The following NBEA variants were observed in gnomAD, a reference collection of about 807,000 sequenced individuals.
The protein encoded by NBEA is lysosomal-trafficking regulator 2.
NBEA carries 44 observed loss-of-function variants against 343.4 expected under a neutral mutation model. The ratio of observed to expected loss-of-function variants is 0.13; its 90% CI spans 0.10 to 0.16. NBEA has a LOEUF of 0.16. Among genes scored for constraint, NBEA ranks in the 10% least tolerant of loss-of-function variants. The probability of loss-of-function intolerance (pLI) is 1.00; values close to 1 mark genes in which losing one functional copy is unlikely to be tolerated. For synonymous variants in NBEA, 1,175 were observed against 1,238.7 expected (o/e 0.95, Z 1.08); for missense variants, 2,555 against 3,631.3 (o/e 0.70, Z 7.62).
At chr13:35,465,146 T>C (rs918796238) in intron 40 of NBEA, among the ~76,000 whole-genome samples, 15 of 152,106 alleles carry the variant, frequency 9.9e-5, no homozygotes, top group Non-Finnish European at 1.9e-4. Flanking sequence ...TTTATATTTA[T>C]AAAGAAAAAT....
At chr13:35,495,294 C>G (rs1238040598) in intron 41 of NBEA, among the ~76,000 whole-genome samples, 1 of 151,738 alleles carries the variant, frequency 6.6e-6, no homozygotes, top group Non-Finnish European at 1.5e-5. Flanking sequence ...ACTTTGTAAT[C>G]AAAAAAGATT....
intron 38 of NBEA, among the ~76,000 whole-genome samples, chr13:35,420,152 G>C (rs1003385506): frequency 6.6e-6 from 1 of 151,904 alleles, no homozygotes; most frequent in East Asian, 1.9e-4. Flanking sequence ...AGAAATTTCA[G>C]TACTCTGTTG....
chr13:35,366,646 A>AT (rs2041134015), intron 38 of NBEA, among the ~76,000 whole-genome samples: 2 of 151,168 alleles, frequency 1.3e-5, no homozygotes. Flanking sequence ...TCAAACATAA[A>AT]TTTTTAACTA....
intron 44 of NBEA, among the ~76,000 whole-genome samples, chr13:35,559,595 T>C (rs2079754619): frequency 6.6e-6 from 1 of 152,162 alleles, no homozygotes; most frequent in Non-Finnish European, 1.5e-5. Context: ...AGTATTGTTA[T>C]TATGTCTTTC....
intron 13 of NBEA, among the ~76,000 whole-genome samples, 156 bp downstream of exon 13, chr13:35,111,134 A>T (rs1317293351): frequency 6.6e-6 from 1 of 152,196 alleles, no homozygotes; most frequent in Non-Finnish European, 1.5e-5. Context: ...GTGGTAAAGA[A>T]GTTTAGGGCT....
chr13:35,663,228 T>C (rs902591464), intron 55 of NBEA, among the ~76,000 whole-genome samples: 3 of 152,218 alleles, frequency 2.0e-5, no homozygotes, highest in African/African-American at 7.2e-5. Context: ...TGCCTAACTT[T>C]ATCTATCTAA....
intron 38 of NBEA, among the ~76,000 whole-genome samples, chr13:35,360,870 A>G (rs911768355): frequency 3.3e-5 from 5 of 151,970 alleles, no homozygotes; most frequent in African/African-American, 1.2e-4. Context: ...ATCACACAAA[A>G]CGTCTAAGTT....
In NBEA at chr13:35,271,567, G is replaced by A. The variant is rs747274612; in HGVS notation, c.5777-18822G>A. 2.0e-5 allele frequency among the ~76,000 whole-genome samples: 3 copies of A among 152,180 alleles called. No homozygotes were observed. In the East Asian group the frequency reaches 5.8e-4, roughly 29 times the overall value. ...AGTAATAAACTTCTCCGAGCTAAAA[G>A]AGCATGTTCTAACCCATTGCAAGGA... On this transcript the variant is annotated intron_variant, in intron 34 of 58. Transcript: ENST00000379939.
intron 37 of NBEA, 46 bp downstream of exon 37, chr13:35,349,262 C>T (rs2040047351): frequency 4.6e-6 from 5 of 1,084,442 alleles, no homozygotes; most frequent in South Asian, 4.6e-5. Context: ...TATTATAAGC[C>T]AAAAATCACC....
intron 38 of NBEA, among the ~76,000 whole-genome samples, chr13:35,367,042 G>A (rs923804849): frequency 6.6e-6 from 1 of 151,154 alleles, no homozygotes; most frequent in African/African-American, 2.4e-5. Flanking sequence ...ACGATATTTT[G>A]TACTTTGCAT....
At chr13:35,622,142 G>A (rs2083022418) in intron 48 of NBEA, among the ~76,000 whole-genome samples, 1 of 152,202 alleles carries the variant, frequency 6.6e-6, no homozygotes, top group African/African-American at 2.4e-5. Context: ...CAAAAAGCAG[G>A]AAGACAATGC....
intron 17 of NBEA, among the ~76,000 whole-genome samples, chr13:35,141,482 G>C (rs185048596): frequency 1.3e-5 from 2 of 152,268 alleles, no homozygotes; most frequent in East Asian, 1.9e-4. Flanking sequence ...GGCCAGGCTT[G>C]TCTCGAACTT....
chr13:35,182,319 A>G, intron 28 of NBEA, 41 bp from the exon 29 acceptor site: 1 of 1,555,036 alleles, frequency 6.4e-7, no homozygotes, highest in Non-Finnish European at 8.6e-7. Flanking sequence ...CTTATACTTC[A>G]AAAAGTTTGA....
At chr13:35,644,984 G>A (rs941894980) in intron 49 of NBEA, among the ~76,000 whole-genome samples, 9 of 152,150 alleles carry the variant, frequency 5.9e-5, no homozygotes, top group South Asian at 2.1e-4. Flanking sequence ...TCCCATTTAC[G>A]CGATGGCTAA....
chr13:35,021,782 T>C (rs899248923), intron 1 of NBEA, among the ~76,000 whole-genome samples: 2 of 152,178 alleles, frequency 1.3e-5, no homozygotes, highest in Non-Finnish European at 2.9e-5. Context: ...TGTGCTGTTG[T>C]TGTTACTGTT....
At chr13:35,426,614 A>G (rs928899563) in intron 38 of NBEA, among the ~76,000 whole-genome samples, 5 of 152,024 alleles carry the variant, frequency 3.3e-5, no homozygotes, top group South Asian at 2.1e-4. Context: ...GAATCTGACA[A>G]TTATGTGTCT....
intron 38 of NBEA, among the ~76,000 whole-genome samples, chr13:35,377,519 T>C (rs1310586859): frequency 6.6e-6 from 1 of 152,232 alleles, no homozygotes; most frequent in Non-Finnish European, 1.5e-5. Flanking sequence ...TTCCAAACTT[T>C]TACTGCTGAA....
At position 35,619,393 on chromosome 13, in the gene NBEA, A is replaced by C. The variant is rs1278700740; in HGVS notation, c.7450-8688A>C. On this transcript the variant is annotated intron_variant, in intron 48 of 58. Transcript: ENST00000379939. Reference sequence around the variant, plus strand: ...CTATCGGGGAAAGTCCAGTGGTAGCAGGCTGGACAGGAGACCCATATGGCT... The same window carrying C: ...CTATCGGGGAAAGTCCAGTGGTAGCCGGCTGGACAGGAGACCCATATGGCT... 4.6e-5 allele frequency among the ~76,000 whole-genome samples: 7 copies of C among 152,218 alleles called. No individual in the cohort carries two copies. The South Asian group carries it at 1.2e-3, about 27-fold the overall frequency.
chr13:35,151,093 C>T (rs1480373343), intron 18 of NBEA, among the ~76,000 whole-genome samples: 5 of 134,794 alleles, frequency 3.7e-5, no homozygotes, highest in South Asian at 2.3e-4. Flanking sequence ...CCAGCCTGGT[C>T]GACAAACAAG....
Sources: allele counts gnomAD v4.1 joint callset (sites outside exome capture counted in the v4.1 genomes callset), GRCh38; gene constraint gnomAD v4.1.1; transcripts MANE v1.5; gene names NCBI Gene and HGNC (gene_info 2026-07-23, HGNC 2026-07-21).